The following PMFBP1 variants were observed in gnomAD, a reference collection of about 807,000 sequenced individuals.
PMFBP1 encodes polyamine-modulated factor 1-binding protein 1.
Under a neutral mutation model 137.8 loss-of-function variants are expected in PMFBP1, and 131 were observed. The observed-to-expected ratio is 0.95, with a 90% CI of 0.82 to 1.10. The LOEUF (loss-of-function observed/expected upper bound fraction) is 1.10. PMFBP1 is among the 50% of genes least tolerant of loss of function. The pLI is 0.00. For synonymous variants in PMFBP1, 490 were observed against 450.4 expected, an observed-to-expected ratio of 1.09 and a Z score of -1.11; for missense variants, 1,199 against 1,175.4, an observed-to-expected ratio of 1.02 and a Z score of -0.29.
chr16:72,127,698 T>C (rs59513404), intron 14 of PMFBP1, among the ~76,000 whole-genome samples: 14 of 152,346 alleles, frequency 9.2e-5, no homozygotes, highest in African/African-American at 3.4e-4. Context: ...CTCTCTCTGC[T>C]GTCAATGGTA....
At chr16:72,150,904 C>T (rs2042893347) in intron 4 of PMFBP1, 75 bp from the exon 5 acceptor site, 1 of 1,311,570 alleles carries the variant, frequency 7.6e-7, no homozygotes, top group Non-Finnish European at 1.1e-6. Context: ...TGTAAGATTC[C>T]CTGCAGAGAA....
the PMFBP1 span, among the ~76,000 whole-genome samples, chr16:72,237,090 T>C: frequency 1.3e-5 from 2 of 152,162 alleles, no homozygotes; most frequent in East Asian, 1.9e-4. Context: ...GCCCAACATG[T>C]AGTGGGAGAG....
intron 3 of PMFBP1, among the ~76,000 whole-genome samples, chr16:72,156,688 A>G (rs2042986636): frequency 6.6e-6 from 1 of 151,996 alleles, no homozygotes; most frequent in South Asian, 2.1e-4. Context: ...TAAATATACC[A>G]TATTTGGTTT....
the PMFBP1 span, among the ~76,000 whole-genome samples, chr16:72,233,200 C>A: frequency 4.6e-5 from 7 of 152,026 alleles, no homozygotes; most frequent in African/African-American, 1.7e-4. Flanking sequence ...TACCTTCCAC[C>A]AAAAATTATA....
intron 9 of PMFBP1, 82 bp from the exon 10 acceptor site, chr16:72,133,073 T>C (rs1597465256): frequency 2.3e-5 from 35 of 1,514,436 alleles, no homozygotes; most frequent in Middle Eastern, 2.2e-4. Flanking sequence ...CAAGCCCTCA[T>C]CCAAGCCACT....
Position 72,128,647 on chromosome 16 carries a change from G to A in PMFBP1, c.2088+10C>T, listed in dbSNP as rs1462725519. The A allele has an allele frequency of 6.2e-7, 1 of 1,614,030 alleles. No homozygotes were observed. On this transcript the variant is annotated intron_variant, in intron 14 of 20. Transcript: ENST00000237353. ...AATTCCTCACTCCCTTGGGGTTCCT[G>A]TCTACTCACCTCTTTATTCAAGTCT...
At chr16:72,245,843 A>T in the PMFBP1 span, among the ~76,000 whole-genome samples, 13 of 152,144 alleles carry the variant, frequency 8.5e-5, no homozygotes, top group African/African-American at 3.1e-4. Flanking sequence ...ACTTGAGCTG[A>T]TATTACACTT....
chr16:72,128,990 C>T, intron 13 of PMFBP1, 76 bp downstream of exon 13: 1 of 1,539,806 alleles, frequency 6.5e-7, no homozygotes, highest in Non-Finnish European at 8.8e-7. Flanking sequence ...AGGGCCTCCG[C>T]ATCCCTGGAG....
At chr16:72,216,951 A>G in the PMFBP1 span, among the ~76,000 whole-genome samples, 145 of 152,374 alleles carry the variant, frequency 9.5e-4, no homozygotes, top group Non-Finnish European at 1.5e-3. Flanking sequence ...CACGCCAAGA[A>G]GAGTCACATG....
At chr16:72,165,828 G>A (rs1456894355) in intron 2 of PMFBP1, among the ~76,000 whole-genome samples, 1 of 152,214 alleles carries the variant, frequency 6.6e-6, no homozygotes, top group Non-Finnish European at 1.5e-5. Flanking sequence ...TTAGCTAATT[G>A]TTGCTAGATG....
chr16:72,233,283 T>C, the PMFBP1 span, among the ~76,000 whole-genome samples: 3 of 152,126 alleles, frequency 2.0e-5, no homozygotes, highest in African/African-American at 7.2e-5. Context: ...AAATCGAGTC[T>C]TTAAGAAATA....
chr16:72,248,296 G>C, the PMFBP1 span, among the ~76,000 whole-genome samples: 2 of 152,180 alleles, frequency 1.3e-5, no homozygotes, highest in Non-Finnish European at 1.5e-5. Flanking sequence ...TTAAATCAGT[G>C]TTCCAGTAAG....
At chr16:72,193,044 A>G in the PMFBP1 span, among the ~76,000 whole-genome samples, 1 of 152,198 alleles carries the variant, frequency 6.6e-6, no homozygotes, top group East Asian at 1.9e-4. Context: ...TTATATAATA[A>G]CAACAGTTAC....
the PMFBP1 span, among the ~76,000 whole-genome samples, chr16:72,221,387 C>T: frequency 1.8e-4 from 27 of 152,208 alleles, 1 homozygote; most frequent in Admixed American, 1.8e-3. Context: ...CAGCTCAGTG[C>T]TCTGGCCCGC....
chr16:72,199,541 C>G, the PMFBP1 span, among the ~76,000 whole-genome samples: 4 of 151,176 alleles, frequency 2.6e-5, no homozygotes, highest in African/African-American at 9.7e-5. Flanking sequence ...GGAGTCCCAG[C>G]TACTCGGGAG....
chr16:72,240,928 A>C, the PMFBP1 span, among the ~76,000 whole-genome samples: 2 of 151,582 alleles, frequency 1.3e-5, no homozygotes, highest in African/African-American at 4.8e-5. Context: ...AGAGAGAGAG[A>C]GAGACAGGGA....
chr16:72,140,926 G>GTTTTTTT (rs1567629530), intron 5 of PMFBP1, among the ~76,000 whole-genome samples: 5 of 83,564 alleles, frequency 6.0e-5, no homozygotes, highest in South Asian at 3.5e-4. Flanking sequence ...ACACAAATGA[G>GTTTTTTT]TCTTTTTTTT....
Position 72,129,161 on chromosome 16 carries a change from T to C in PMFBP1, c.1855A>G (p.Lys619Glu). The C allele has an allele frequency of 6.2e-7, 1 of 1,614,264 alleles. No homozygotes were observed. The change falls in exon 13 of 21, where the codon AAA (lysine) becomes GAA (glutamate). Residue 619 changes from lysine to glutamate, a missense_variant. Transcript: ENST00000237353. The part of the protein sequence containing the change: ...LQEATKLLED[K>E]REQLKKSKEH... The stretch of plus-strand genomic sequence containing the variant: ...TTGCTCTTCTTCAACTGCTCCCGTT[T>C]GTCCTCCAGAAGCTTTGTGGCCTCC...
the PMFBP1 span, among the ~76,000 whole-genome samples, chr16:72,239,817 C>T: frequency 6.6e-5 from 9 of 136,408 alleles, no homozygotes; most frequent in African/African-American, 2.4e-4. Context: ...ACCCAGGAGG[C>T]GGAGGTTGCA....
Sources: gnomAD v4.1 joint callset for allele counts (sites outside exome capture counted in the v4.1 genomes callset) on GRCh38, gnomAD v4.1.1 for gene constraint, MANE v1.5 for transcripts, NCBI Gene and HGNC (gene_info 2026-07-23, HGNC 2026-07-21) for gene names.